Variants in TCF4 observed in about 807,000 individuals in gnomAD.
The protein encoded by TCF4 is SL3-3 enhancer factor 2.
In TCF4, 3 loss-of-function variants were observed where a neutral mutation model predicts 82.1. The ratio of observed to expected loss-of-function variants is 0.04; its 90% confidence interval spans 0.02 to 0.09. The LOEUF (loss-of-function observed/expected upper bound fraction) is 0.09. TCF4 is among the 10% of genes least tolerant of loss of function. TCF4 has a pLI of 1.00. For missense variants in TCF4, 518 were observed against 852.7 expected, an observed-to-expected ratio of 0.61 and a Z score of 4.89; for synonymous variants, 276 against 309.6, an observed-to-expected ratio of 0.89 and a Z score of 1.14.
intron 6 of TCF4, among the ~76,000 whole-genome samples, chr18:55,386,738 C>T (rs1366202091): frequency 6.6e-6 from 1 of 152,324 alleles, no homozygotes; most frequent in South Asian, 2.1e-4. Flanking sequence ...GAGCAGCTCC[C>T]GGAGTGCTGG....
rs1387460130 is a variant in TCF4, at chr18:55,547,141, C to T, written c.145+38139G>A. On this transcript the variant is annotated intron_variant, in intron 3 of 19. Coordinates refer to ENST00000354452, the MANE Select transcript of TCF4 (RefSeq NM_001083962.2). ...ATCCACTTAAGCAGTTTTTAAACTT[C>T]AAACACCTGATTTGCTGAAGCAAGG... is the stretch of plus-strand genomic sequence containing the variant. Among the ~76,000 whole-genome samples the T allele has an allele frequency of 3.3e-5, 5 of 152,358 alleles. No homozygotes were observed. In the South Asian group the frequency reaches 1.0e-3, roughly 32 times the overall value.
At chr18:55,345,762 T>G (rs1034862317) in intron 8 of TCF4, among the ~76,000 whole-genome samples, 1 of 152,196 alleles carries the variant, frequency 6.6e-6, no homozygotes, top group East Asian at 1.9e-4. Flanking sequence ...GGCTGATATT[T>G]CGTTCACTTG....
chr18:55,285,735 C>T (rs372562539), intron 8 of TCF4, among the ~76,000 whole-genome samples: 4 of 152,130 alleles, frequency 2.6e-5, no homozygotes, highest in African/African-American at 4.8e-5. Context: ...GTTTGCCACT[C>T]GCCGTCAGGA....
At chr18:55,400,884 A>G in intron 6 of TCF4, 3 of 1,065,486 alleles carry the variant, frequency 2.8e-6, no homozygotes, top group Non-Finnish European at 3.8e-6. Flanking sequence ...CTGTTATAAT[A>G]CGATAAAGCA....
intron 5 of TCF4, among the ~76,000 whole-genome samples, chr18:55,454,508 C>T (rs1273213674): frequency 5.9e-5 from 9 of 152,190 alleles, no homozygotes; most frequent in Admixed American, 5.9e-4. Context: ...GAACTTTTCT[C>T]CTGGTGACTC....
intron 15 of TCF4, among the ~76,000 whole-genome samples, chr18:55,239,098 T>C (rs2050412542): frequency 6.6e-6 from 1 of 152,212 alleles, no homozygotes; most frequent in East Asian, 1.9e-4. Flanking sequence ...CCAACACAGC[T>C]ATTTGAATTC....
At chr18:55,597,403 CAAAGA>C (rs1725388982) in intron 2 of TCF4, among the ~76,000 whole-genome samples, 1 of 151,846 alleles carries the variant, frequency 6.6e-6, no homozygotes, top group African/African-American at 2.4e-5. Flanking sequence ...CCCTCTCCCC[CAAAGA>C]AAAGGAGATG....
chr18:55,599,355 T>C (rs1359199604), intron 2 of TCF4, among the ~76,000 whole-genome samples: 4 of 152,236 alleles, frequency 2.6e-5, no homozygotes, highest in Non-Finnish European at 5.9e-5. Context: ...CTCTGACTTC[T>C]TGACCTTCAC....
At chr18:55,447,895 A>G (rs2095553495) in intron 5 of TCF4, among the ~76,000 whole-genome samples, 1 of 151,020 alleles carries the variant, frequency 6.6e-6, no homozygotes, top group African/African-American at 2.4e-5. Context: ...TCTATGTTTC[A>G]TCTTCTCTAC....
intron 3 of TCF4, among the ~76,000 whole-genome samples, chr18:55,545,073 C>A (rs147927467): frequency 2.0e-5 from 3 of 152,298 alleles, no homozygotes; most frequent in Non-Finnish European, 4.4e-5. Flanking sequence ...ACATTCAAAT[C>A]CTGGCTCAGC....
At chr18:55,301,527 G>A (rs949094832) in intron 8 of TCF4, among the ~76,000 whole-genome samples, 8 of 152,076 alleles carry the variant, frequency 5.3e-5, no homozygotes, top group Admixed American at 1.3e-4. Flanking sequence ...TCCAGCAGCC[G>A]CTTCTGAACA....
intron 3 of TCF4, among the ~76,000 whole-genome samples, chr18:55,467,546 T>C (rs190681999): frequency 6.6e-6 from 1 of 152,242 alleles, no homozygotes; most frequent in East Asian, 1.9e-4. Context: ...ACAAGACAAA[T>C]GCATGCCCCA....
chr18:55,434,490 G>C (rs1207672685), intron 5 of TCF4, among the ~76,000 whole-genome samples: 1 of 146,740 alleles, frequency 6.8e-6, no homozygotes, highest in African/African-American at 2.5e-5. Context: ...CGCGATCTCG[G>C]CTCACTGCAA....
intron 8 of TCF4, among the ~76,000 whole-genome samples, chr18:55,324,754 C>G (rs974740400): frequency 1.3e-5 from 2 of 152,032 alleles, no homozygotes; most frequent in Non-Finnish European, 2.9e-5. Flanking sequence ...ATACAGAAAG[C>G]CACCATCCCT....
rs781150808 is a variant in TCF4, at chr18:55,293,931, CTTTTTTTTTTTTTTTTTTT to C, written c.550-14294_550-14276del. Reference sequence around the variant, plus strand: ...TTTCATCTTCTAAACTTTCCAAGGACTTTTTTTTTTTTTTTTTTTTTTTTTTTTTTTTAGAATTCATATC... The same window carrying C: ...TTTCATCTTCTAAACTTTCCAAGGACTTTTTTTTTTTTTAGAATTCATATC... On this transcript the variant is annotated intron_variant, in intron 8 of 19. Coordinates refer to ENST00000354452, the MANE Select transcript of TCF4 (RefSeq NM_001083962.2). Among the ~76,000 whole-genome samples the C allele has an allele frequency of 2.5e-4, 10 of 40,060 alleles. No individual in the cohort carries two copies. The East Asian group carries it at 5.6e-3, about 23-fold the overall frequency. The allele number at this position is 40,060 out of a possible 152,430, so 26.3% of individuals were successfully genotyped here.
intron 8 of TCF4, among the ~76,000 whole-genome samples, chr18:55,336,483 G>A (rs1324106252): frequency 1.3e-5 from 2 of 151,966 alleles, no homozygotes; most frequent in African/African-American, 4.8e-5. Context: ...AATGGCAAAT[G>A]AGGTTTGTCC....
At chr18:55,419,976 A>T (rs1254236413) in intron 5 of TCF4, among the ~76,000 whole-genome samples, 2 of 152,194 alleles carry the variant, frequency 1.3e-5, no homozygotes, top group Non-Finnish European at 2.9e-5. Context: ...CATTGACTGA[A>T]GCAGTATCTT....
intron 8 of TCF4, among the ~76,000 whole-genome samples, chr18:55,291,644 C>T (rs563294359): frequency 3.3e-5 from 5 of 152,142 alleles, no homozygotes; most frequent in Non-Finnish European, 5.9e-5. Flanking sequence ...AATAAGTATG[C>T]AAGTTGTCAA....
intron 3 of TCF4, among the ~76,000 whole-genome samples, chr18:55,557,487 T>C (rs2147245719): frequency 6.6e-6 from 1 of 152,298 alleles, no homozygotes; most frequent in African/African-American, 2.4e-5. Flanking sequence ...CATTTATTTA[T>C]TTCATTTATT....
Sources: allele counts gnomAD v4.1 joint callset (sites outside exome capture counted in the v4.1 genomes callset), GRCh38; gene constraint gnomAD v4.1.1; transcripts MANE v1.5; gene names NCBI Gene and HGNC (gene_info 2026-07-23, HGNC 2026-07-21).